Variants in ABCG2 observed in about 807,000 individuals in gnomAD.
The protein encoded by ABCG2 is broad substrate specificity ATP-binding cassette transporter ABCG2.
ABCG2 carries 80 observed loss-of-function variants against 73.5 expected under a neutral mutation model. The observed-to-expected ratio is 1.09, with a 90% CI of 0.91 to 1.31. The LOEUF is 1.31. ABCG2 is among the 50% of genes most tolerant of loss of function. The probability of loss-of-function intolerance (pLI) is 0.00; values close to 1 mark genes in which losing one functional copy is unlikely to be tolerated. For missense variants in ABCG2, 796 were observed against 786.2 expected (o/e 1.01, Z -0.15); for synonymous variants, 269 against 282.4 (o/e 0.95, Z 0.48).
chr4:88,229,772 G>A (rs1730377493), intron 1 of ABCG2, among the ~76,000 whole-genome samples: 1 of 151,870 alleles, frequency 6.6e-6, no homozygotes, highest in Non-Finnish European at 1.5e-5. Flanking sequence ...TTTCTTTTGG[G>A]TTAAATGCAA....
At chr4:88,157,674 A>T (rs1407740890) in intron 1 of ABCG2, among the ~76,000 whole-genome samples, 1 of 150,474 alleles carries the variant, frequency 6.6e-6, no homozygotes, top group African/African-American at 2.5e-5. Flanking sequence ...TCTCATCAAG[A>T]TCTCATCAAG....
At chr4:88,216,749 T>G (rs1986013) in intron 1 of ABCG2, among the ~76,000 whole-genome samples, 138,439 of 152,228 alleles carry the variant, frequency 0.91, 63,154 homozygotes, top group Non-Finnish European at 0.92. Flanking sequence ...TTGCACTGTG[T>G]CCAAGCGCAG....
chr4:88,169,505 TG>T (rs948826647), intron 1 of ABCG2, among the ~76,000 whole-genome samples: 117 of 152,318 alleles, frequency 7.7e-4, no homozygotes, highest in African/African-American at 2.7e-3. Flanking sequence ...GATGGGCCTT[TG>T]GGTCCTTTCC....
upstream of ABCG2, among the ~76,000 whole-genome samples, chr4:88,161,148 TACAA>T (rs1238555557): frequency 6.9e-6 from 1 of 145,566 alleles, no homozygotes; most frequent in Non-Finnish European, 1.5e-5. Flanking sequence ...CCCCTGTCTC[TACAA>T]ACAATTTTTT....
chr4:88,163,749 G>T, upstream of ABCG2: 1 of 414,756 alleles, frequency 2.4e-6, no homozygotes. Flanking sequence ...TGAAGGAGAT[G>T]GGAACTCCAG....
chr4:88,121,860 T>G (rs1724019775), intron 5 of ABCG2, 68 bp from the exon 6 acceptor site: 1 of 1,487,062 alleles, frequency 6.7e-7, no homozygotes, highest in South Asian at 1.2e-5. Context: ...GCTCCTAACG[T>G]GTGCCAGTCC....
At chr4:88,158,736 C>A, upstream of ABCG2, 1 of 413,608 alleles carries the variant, frequency 2.4e-6, no homozygotes, top group African/African-American at 2.2e-5. Context: ...CCGGCGCGCC[C>A]GAGCGCTCCC....
intron 2 of ABCG2, among the ~76,000 whole-genome samples, chr4:88,136,788 G>T (rs190163000): frequency 1.3e-5 from 2 of 152,132 alleles, no homozygotes; most frequent in East Asian, 3.9e-4. Context: ...GGCCAAGGCA[G>T]GTGGATCACC....
At chr4:88,147,947 T>G (rs1726167899) in intron 1 of ABCG2, among the ~76,000 whole-genome samples, 1 of 152,210 alleles carries the variant, frequency 6.6e-6, no homozygotes, top group African/African-American at 2.4e-5. Context: ...AGGACATACT[T>G]CCAGCCAGGA....
intron 1 of ABCG2, among the ~76,000 whole-genome samples, chr4:88,176,651 T>A (rs886872707): frequency 8.5e-6 from 1 of 117,874 alleles, no homozygotes; most frequent in African/African-American, 2.8e-5. Flanking sequence ...TGGCTAATTT[T>A]TTTTTTTTTT....
At position 88,114,964 on chromosome 4, in the gene ABCG2, G is replaced by C. The variant is rs140886986; in HGVS notation, c.936C>G (p.Asp312Glu). 1 of 1,607,612 alleles carries C rather than the reference G, an allele frequency of 6.2e-7. No homozygotes were observed. The highest frequency in any genetic ancestry group is 8.5e-7 in the Non-Finnish European group (1 of 1,175,024). The change falls in exon 8 of 16, where the codon GAC (aspartate) becomes GAG (glutamate). Residue 312 changes from aspartate to glutamate, a missense_variant. Transcript: ENST00000237612. ...STAVALNREE[D>E]FKATEIIEPS... is the part of the protein sequence containing the mutation. ...TGTAACAGATTCATATACCTTTAAA[G>C]TCTTCTTCTCTGTTTAATGCCACAG...
upstream of ABCG2, among the ~76,000 whole-genome samples, chr4:88,162,225 A>C (rs1484493471): frequency 6.6e-6 from 1 of 152,010 alleles, no homozygotes; most frequent in Non-Finnish European, 1.5e-5. Flanking sequence ...GAAAGTGTTC[A>C]TTTGTTCTGG....
chr4:88,104,503 C>A (rs1407047795), intron 10 of ABCG2, among the ~76,000 whole-genome samples: 2 of 152,044 alleles, frequency 1.3e-5, no homozygotes, highest in Non-Finnish European at 2.9e-5. Flanking sequence ...ATACTGGGGT[C>A]AACGAGAAGC....
chr4:88,156,370 CAAAAAAAAA>C (rs56029010), intron 1 of ABCG2, among the ~76,000 whole-genome samples: 5 of 69,092 alleles, frequency 7.2e-5, no homozygotes, highest in East Asian at 4.2e-4. Context: ...GACTCCGTCT[CAAAAAAAAA>C]AAAAAAAAAA....
chr4:88,160,383 A>G (rs1315388927), upstream of ABCG2, among the ~76,000 whole-genome samples: 1 of 152,218 alleles, frequency 6.6e-6, no homozygotes, highest in African/African-American at 2.4e-5. Context: ...ATAAAATTTT[A>G]TGATACCAGA....
Position 88,139,872 on chromosome 4 carries a change from T to C in ABCG2, c.124A>G (p.Ile42Val), listed in dbSNP as rs777059441. 2.5e-6 allele frequency: 4 copies of C among 1,614,174 alleles called. No homozygotes were observed. Among genetic ancestry groups the C allele is most frequent in the Admixed American group, 3.3e-5 (2 of 60,026 alleles). Residue 42 changes from isoleucine to valine, a missense_variant, in exon 2 of 16, where the codon ATC becomes GTC. Physicochemically the swap from Ile to Val is conservative, Grantham distance 29. Transcript: ENST00000237612. ...TEGAVLSFHN[I>V]CYRVKLKSGF... is the part of the protein sequence containing the mutation. Reference sequence around the variant, plus strand: ...CTCTTCAGTTTTACTCGATAGCAGATGTTATGAAAACTTAACACAGCTCCT... The same window carrying C: ...CTCTTCAGTTTTACTCGATAGCAGACGTTATGAAAACTTAACACAGCTCCT...
chr4:88,121,912 C>A, intron 5 of ABCG2, 120 bp from the exon 6 acceptor site: 1 of 993,856 alleles, frequency 1.0e-6, no homozygotes, highest in South Asian at 1.7e-5. Flanking sequence ...TTATTCTGAA[C>A]AGCAAATAAG....
intron 5 of ABCG2, among the ~76,000 whole-genome samples, chr4:88,127,767 T>A (rs1374079109): frequency 2.0e-5 from 3 of 152,068 alleles, no homozygotes; most frequent in African/African-American, 7.2e-5. Context: ...CTACTCAAGA[T>A]GGATTAAAGA....
At chr4:88,205,821 C>T (rs12512071) in intron 1 of ABCG2, among the ~76,000 whole-genome samples, 152,051 of 152,314 alleles carry the variant, frequency 1, 75,895 homozygotes, top group Middle Eastern at 1. Context: ...TAGCTGGGAC[C>T]ACAGGTGCAC....
Sources: gnomAD v4.1 joint callset for allele counts (sites outside exome capture counted in the v4.1 genomes callset) on GRCh38, gnomAD v4.1.1 for gene constraint, MANE v1.5 for transcripts, NCBI Gene and HGNC (gene_info 2026-07-23, HGNC 2026-07-21) for gene names.